Variants in PAH observed in about 807,000 individuals in gnomAD.
PAH encodes the protein phenylalanine hydroxylase.
Under a neutral mutation model 62.0 loss-of-function variants are expected in PAH, and 64 were observed. The ratio of observed to expected loss-of-function variants is 1.03; its 90% CI spans 0.84 to 1.27. The LOEUF (loss-of-function observed/expected upper bound fraction) is 1.27. Ranked by LOEUF, PAH falls within the 50% of genes most tolerant of loss-of-function variation. The pLI, the probability that PAH is intolerant of heterozygous loss-of-function variation, is 0.00. For synonymous variants in PAH, 195 were observed against 196.2 expected, an observed-to-expected ratio of 0.99 and a Z score of 0.05; for missense variants, 579 against 542.8, an observed-to-expected ratio of 1.07 and a Z score of -0.66.
intron 4 of PAH, among the ~76,000 whole-genome samples, chr12:102,870,050 G>A (rs1163181885): frequency 2.0e-5 from 3 of 152,162 alleles, no homozygotes; most frequent in African/African-American, 7.2e-5. Flanking sequence ...GGGGAGGGGA[G>A]GGGATAGAAG....
intron 1 of PAH, among the ~76,000 whole-genome samples, chr12:102,938,147 A>G (rs1484139352): frequency 1.3e-5 from 2 of 152,184 alleles, no homozygotes; most frequent in Non-Finnish European, 2.9e-5. Flanking sequence ...GAGAGCAGAG[A>G]GGAATGAGGC....
exon 1 of PAH, chr12:102,958,246 T>C: frequency 6.8e-7 from 1 of 1,469,404 alleles, no homozygotes; most frequent in East Asian, 3.0e-5. Context: ...CCGCTGCGCA[T>C]GGAAAGCTCT....
chr12:102,938,872 C>A (rs1358869498), intron 1 of PAH, among the ~76,000 whole-genome samples: 3 of 152,200 alleles, frequency 2.0e-5, no homozygotes, highest in East Asian at 3.9e-4. Flanking sequence ...CCAACCTGGG[C>A]TCCCACCACA....
intron 1 of PAH, among the ~76,000 whole-genome samples, chr12:102,948,787 A>T (rs1879608290): frequency 6.6e-6 from 1 of 152,176 alleles, no homozygotes; most frequent in South Asian, 2.1e-4. Flanking sequence ...GTAGCTTGCT[A>T]AAAGAGCCAA....
At chr12:102,913,240 A>G (rs1390295907) in intron 1 of PAH, among the ~76,000 whole-genome samples, 1 of 152,244 alleles carries the variant, frequency 6.6e-6, no homozygotes, top group Admixed American at 6.5e-5. Context: ...GATGAATAAG[A>G]CAATGCTTTA....
intron 2 of PAH, among the ~76,000 whole-genome samples, chr12:102,906,343 A>T (rs983047778): frequency 1.3e-5 from 2 of 152,208 alleles, no homozygotes; most frequent in Admixed American, 6.5e-5. Flanking sequence ...CTACGACCAG[A>T]TTCCACTTCT....
chr12:102,897,492 T>TATATATATATATATATATACATATATAA (rs1379613102), intron 2 of PAH, among the ~76,000 whole-genome samples: 2 of 137,462 alleles, frequency 1.5e-5, no homozygotes, highest in African/African-American at 6.4e-5. Context: ...TATATATATA[T>TATATATATATATATATATACATATATAA]AATTCAAACT....
chr12:102,877,905 A>C (rs556697649), intron 3 of PAH, among the ~76,000 whole-genome samples: 1 of 152,254 alleles, frequency 6.6e-6, no homozygotes, highest in Non-Finnish European at 1.5e-5. Context: ...GGCTCACTGA[A>C]ACCTCTGCCT....
intron 2 of PAH, among the ~76,000 whole-genome samples, chr12:102,897,292 A>T (rs78920281): frequency 0.1 from 15,838 of 151,848 alleles, 984 homozygotes; most frequent in Non-Finnish European, 0.14. Flanking sequence ...TCATTGTTCA[A>T]TTTTTTATTT....
At chr12:102,844,874 C>G (rs746208755) in intron 9 of PAH, among the ~76,000 whole-genome samples, 3 of 152,152 alleles carry the variant, frequency 2.0e-5, no homozygotes, top group Non-Finnish European at 2.9e-5. Context: ...TGAACTTTGA[C>G]TAATCTACGC....
At position 102,846,939 on chromosome 12, in the gene PAH, C is replaced by A. The variant is rs1205657950; in HGVS notation, c.925G>T (p.Ala309Ser). The A allele has an allele frequency of 5.0e-6, 8 of 1,613,490 alleles. No individual in the cohort carries two copies. Among genetic ancestry groups the A allele is most frequent in the Non-Finnish European group, 6.8e-6 (8 of 1,179,628 alleles). ...TATTCATCAGGTGCACCCAGAGAGGCAAGGCCAATTTCCTGTAATTGGGGG... is the reference window on the plus strand; with the variant it reads ...TATTCATCAGGTGCACCCAGAGAGGAAAGGCCAATTTCCTGTAATTGGGGG... ...FAQFSQEIGL[A>S]SLGAPDEYIE... Residue 309 changes from alanine (A) to serine (S), a missense_variant, in exon 9 of 13, where the codon GCC becomes TCC. Coordinates refer to ENST00000553106, the MANE Select transcript of PAH (RefSeq NM_000277.3).
chr12:102,869,723 A>G (rs1022522107), intron 4 of PAH, among the ~76,000 whole-genome samples: 2 of 152,134 alleles, frequency 1.3e-5, no homozygotes, highest in African/African-American at 4.8e-5. Flanking sequence ...TTGCTTTCTC[A>G]GTTACCAGTG....
At chr12:102,950,198 CCTT>C (rs1037075503) in intron 1 of PAH, 2 of 152,210 alleles carry the variant, frequency 1.3e-5, no homozygotes, top group African/African-American at 4.8e-5. Context: ...TATTAGAAAT[CCTT>C]CTCTTCCTCT....
intron 4 of PAH, among the ~76,000 whole-genome samples, chr12:102,868,009 TACA>T (rs1876082095): frequency 1.4e-5 from 2 of 142,288 alleles, no homozygotes; most frequent in Non-Finnish European, 3.0e-5. Context: ...TATATGTATA[TACA>T]TATATACATA....
chr12:102,891,494 C>T (rs143484809), intron 3 of PAH, among the ~76,000 whole-genome samples: 225 of 152,276 alleles, frequency 1.5e-3, no homozygotes, highest in Middle Eastern at 3.4e-3. Flanking sequence ...CTCTTGTGCT[C>T]ATGCCAGTGT....
chr12:102,898,050 A>T (rs1877585219), intron 2 of PAH, among the ~76,000 whole-genome samples: 1 of 152,156 alleles, frequency 6.6e-6, no homozygotes, highest in Admixed American at 6.5e-5. Flanking sequence ...ACTAAAATAC[A>T]CTGAACCCCC....
At chr12:102,863,369 T>C (rs1412747891) in intron 5 of PAH, among the ~76,000 whole-genome samples, 1 of 152,180 alleles carries the variant, frequency 6.6e-6, no homozygotes, top group Non-Finnish European at 1.5e-5. Flanking sequence ...TTCTAGGGAC[T>C]CAACATCTGT....
intron 2 of PAH, among the ~76,000 whole-genome samples, chr12:102,906,083 A>G (rs1044891177): frequency 1.3e-5 from 2 of 152,330 alleles, no homozygotes; most frequent in South Asian, 2.1e-4. Flanking sequence ...ACAATTTACA[A>G]AAAGACAAAT....
chr12:102,843,553 T>C, intron 11 of PAH, 93 bp downstream of exon 11: 2 of 1,245,438 alleles, frequency 1.6e-6, no homozygotes, highest in East Asian at 4.7e-5. Context: ...GCTGTAGACA[T>C]TGGAGTCCAC....
Sources: gnomAD v4.1 joint callset for allele counts (sites outside exome capture counted in the v4.1 genomes callset) on GRCh38, gnomAD v4.1.1 for gene constraint, MANE v1.5 for transcripts, NCBI Gene and HGNC (gene_info 2026-07-23, HGNC 2026-07-21) for gene names.